Variants in LIMCH1 observed in about 807,000 individuals in gnomAD.
The protein encoded by LIMCH1 is LIM and calponin homology domains-containing protein 1.
Under a neutral mutation model 176.5 loss-of-function variants are expected in LIMCH1, and 113 were observed. That is an observed-to-expected ratio of 0.64 (90% confidence interval 0.55 to 0.75). The LOEUF (loss-of-function observed/expected upper bound fraction) is 0.75. Ranked by LOEUF, LIMCH1 falls within the 30% of genes least tolerant of loss-of-function variation. The probability of loss-of-function intolerance (pLI) is 0.00; values close to 1 mark genes in which losing one functional copy is unlikely to be tolerated. For missense variants in LIMCH1, 1,674 were observed against 1,814.9 expected, an observed-to-expected ratio of 0.92 and a Z score of 1.41; for synonymous variants, 619 against 645.9, an observed-to-expected ratio of 0.96 and a Z score of 0.63.
At chr4:41,451,045 A>G (rs919102673) in intron 1 of LIMCH1, among the ~76,000 whole-genome samples, 1 of 152,156 alleles carries the variant, frequency 6.6e-6, no homozygotes, top group Non-Finnish European at 1.5e-5. Flanking sequence ...GTCTTTAGAA[A>G]TACAGATGAT....
At chr4:41,568,887 A>AT in intron 1 of LIMCH1, among the ~76,000 whole-genome samples, 1 of 151,902 alleles carries the variant, frequency 6.6e-6, no homozygotes, top group Non-Finnish European at 1.5e-5. Context: ...GTCTTATTAC[A>AT]TTTTTTCTTC....
intron 1 of LIMCH1, among the ~76,000 whole-genome samples, chr4:41,475,125 T>G (rs577617390): frequency 1.3e-5 from 2 of 152,358 alleles, no homozygotes; most frequent in East Asian, 3.9e-4. Context: ...ATTGCCTACC[T>G]GTATCCAGGA....
intron 1 of LIMCH1, among the ~76,000 whole-genome samples, chr4:41,579,403 A>G (rs531911552): frequency 2.0e-5 from 3 of 152,322 alleles, no homozygotes; most frequent in African/African-American, 7.2e-5. Context: ...ATTTTAACTC[A>G]CAATAGCTTG....
chr4:41,419,576 T>A (rs11721856), intron 1 of LIMCH1, among the ~76,000 whole-genome samples: 1 of 90,914 alleles, frequency 1.1e-5, no homozygotes, highest in Non-Finnish European at 2.0e-5. Context: ...CCTTCCTTCC[T>A]TCCTTCCTTC....
chr4:41,643,360 T>C (rs2093918014), intron 14 of LIMCH1, among the ~76,000 whole-genome samples: 1 of 152,194 alleles, frequency 6.6e-6, no homozygotes, highest in Non-Finnish European at 1.5e-5. Flanking sequence ...AAAAATGGAC[T>C]GTCACCATAT....
chr4:41,581,828 A>AAAAAAAAAAAAAAAAAAAAAAAAC (rs2085527320), intron 1 of LIMCH1, among the ~76,000 whole-genome samples: 2 of 150,470 alleles, frequency 1.3e-5, no homozygotes, highest in Non-Finnish European at 3.0e-5. Context: ...AAAAAAAAAA[A>AAAAAAAAAAAAAAAAAAAAAAAAC]AACAACAGCA....
At chr4:41,658,107 C>A (rs747775234) in intron 18 of LIMCH1, among the ~76,000 whole-genome samples, 1 of 152,170 alleles carries the variant, frequency 6.6e-6, no homozygotes, top group Non-Finnish European at 1.5e-5. Context: ...TTCCCACCTC[C>A]CCTGCCTTCT....
chr4:41,632,716 C>T (rs2093388959), intron 10 of LIMCH1, 33 bp from the exon 11 acceptor site: 18 of 1,503,888 alleles, frequency 1.2e-5, no homozygotes, highest in Non-Finnish European at 1.4e-5. Context: ...TTCCTCTCCT[C>T]TCTTGCCACC....
At chr4:41,553,692 A>T (rs1343171843) in intron 1 of LIMCH1, among the ~76,000 whole-genome samples, 1 of 151,986 alleles carries the variant, frequency 6.6e-6, no homozygotes, top group Non-Finnish European at 1.5e-5. Flanking sequence ...TTTCAAGGGG[A>T]TGTTGGTGTC....
chr4:41,469,665 GATTT>G (rs71198659), intron 1 of LIMCH1, among the ~76,000 whole-genome samples: 268 of 148,356 alleles, frequency 1.8e-3, no homozygotes, highest in African/African-American at 5.8e-3. Context: ...CTTGTTTTGA[GATTT>G]ATTTATTTAT....
intron 10 of LIMCH1, 87 bp from the exon 11 acceptor site, chr4:41,632,662 C>G: frequency 9.6e-7 from 1 of 1,041,206 alleles, no homozygotes; most frequent in African/African-American, 1.6e-5. Context: ...TTCTCTTAAT[C>G]TTTCAGTCCC....
chr4:41,489,643 A>C (rs1225213063), intron 1 of LIMCH1, among the ~76,000 whole-genome samples: 1 of 152,126 alleles, frequency 6.6e-6, no homozygotes, highest in East Asian at 1.9e-4. Flanking sequence ...CAATCAGATA[A>C]CATATTTTGT....
chr4:41,680,065 G>A lies in LIMCH1; in HGVS notation c.3579G>A (p.Glu1193=), dbSNP rs762425253. 2 of 1,609,976 alleles carry A rather than the reference G, an allele frequency of 1.2e-6. 1 individual carries two copies. Among genetic ancestry groups the A allele is most frequent in the South Asian group, 2.2e-5 (2 of 89,808 alleles). ...AAGAGTGGGAAAAGGCCCAAAAGGA[G>A]GTGGAAGAGGAAGAACGCAGATACT... ...LKEEWEKAQK[E]VEEEERRYYE... is the part of the protein sequence containing the mutation. The change falls in exon 24 of 32, where the codon GAG becomes GAA. Residue 1193 remains glutamate, a synonymous_variant. Coordinates refer to ENST00000503057, the MANE Select transcript of LIMCH1 (RefSeq NM_001330672.2).
intron 1 of LIMCH1, among the ~76,000 whole-genome samples, chr4:41,557,991 A>G (rs978430417): frequency 1.3e-5 from 2 of 151,976 alleles, no homozygotes; most frequent in African/African-American, 4.8e-5. Context: ...AGGGTTGCAG[A>G]TTATCTACCT....
intron 2 of LIMCH1, among the ~76,000 whole-genome samples, chr4:41,502,194 G>A (rs970816630): frequency 6.6e-6 from 1 of 151,764 alleles, no homozygotes; most frequent in Non-Finnish European, 1.5e-5. Flanking sequence ...AGTTTGTTGA[G>A]GATTATGGCT....
chr4:41,383,832 C>T (rs2056081943), intron 1 of LIMCH1, among the ~76,000 whole-genome samples: 1 of 152,084 alleles, frequency 6.6e-6, no homozygotes, highest in Admixed American at 6.6e-5. Context: ...TCTCTGTGAA[C>T]ACTGTGAAGA....
intron 1 of LIMCH1, among the ~76,000 whole-genome samples, chr4:41,585,186 A>G (rs141109896): frequency 2.6e-5 from 4 of 152,304 alleles, no homozygotes; most frequent in African/African-American, 9.6e-5. Context: ...CTTATTAAAC[A>G]ACAACTACCC....
chr4:41,639,123 A>G (rs1386918666), intron 14 of LIMCH1, among the ~76,000 whole-genome samples, 156 bp downstream of exon 14: 1 of 152,236 alleles, frequency 6.6e-6, no homozygotes, highest in African/African-American at 2.4e-5. Flanking sequence ...CAGAGCATAC[A>G]TTCTGTGCAG....
At chr4:41,486,999 CACAT>C (rs1294025950) in intron 1 of LIMCH1, among the ~76,000 whole-genome samples, 3 of 151,148 alleles carry the variant, frequency 2.0e-5, no homozygotes, top group Non-Finnish European at 2.9e-5. Flanking sequence ...CACACACACA[CACAT>C]ATATATATAC....
Sources: gnomAD v4.1 joint callset for allele counts (sites outside exome capture counted in the v4.1 genomes callset) on GRCh38, gnomAD v4.1.1 for gene constraint, MANE v1.5 for transcripts, NCBI Gene and HGNC (gene_info 2026-07-23, HGNC 2026-07-21) for gene names.